The following SLC9D1 variants were observed in gnomAD, a reference collection of about 807,000 sequenced individuals.
SLC9D1 encodes the protein solute carrier family 9 member D1, also known as putative LAG1-interacting protein.
the SLC9D1 span, among the ~76,000 whole-genome samples, chr13:113,538,114 T>C: frequency 6.8e-6 from 1 of 147,428 alleles, no homozygotes. Context: ...CATGTATGTG[T>C]TTGTGCATGC....
chr13:113,547,362 T>C, the SLC9D1 span: 11 of 1,613,672 alleles, frequency 6.8e-6, no homozygotes, highest in African/African-American at 1.3e-4. Flanking sequence ...CCTCACCTTG[T>C]CAGTGGTGGT....
the SLC9D1 span, chr13:113,520,607 C>G: frequency 6.2e-7 from 1 of 1,602,194 alleles, no homozygotes; most frequent in Non-Finnish European, 8.5e-7. Flanking sequence ...AATGCCTTTC[C>G]CCCCACAGGC....
the SLC9D1 span, among the ~76,000 whole-genome samples, chr13:113,507,079 G>A: frequency 6.6e-6 from 1 of 152,090 alleles, no homozygotes; most frequent in Non-Finnish European, 1.5e-5. Flanking sequence ...ACATCTGATT[G>A]AGTGGGGCTG....
chr13:113,497,533 C>T, the SLC9D1 span, among the ~76,000 whole-genome samples: 1 of 147,498 alleles, frequency 6.8e-6, no homozygotes. Flanking sequence ...GTGTGTGAGA[C>T]CTGCAGCTGT....
chr13:113,547,214 C>A, the SLC9D1 span: 1 of 997,884 alleles, frequency 1.0e-6, no homozygotes, highest in Non-Finnish European at 1.6e-6. Flanking sequence ...TGTATTGAAG[C>A]AAGTGACACA....
chr13:113,495,546 C>T, the SLC9D1 span: 11 of 1,455,124 alleles, frequency 7.6e-6, no homozygotes, highest in African/African-American at 8.5e-5. Flanking sequence ...GGCAGAGACC[C>T]GTGGATTGCT....
At chr13:113,501,875 A>G in the SLC9D1 span, 4 of 1,608,298 alleles carry the variant, frequency 2.5e-6, no homozygotes, top group East Asian at 4.5e-5. Context: ...ACTAAATAGT[A>G]TTAAGGTAAG....
At chr13:113,518,054 A>G in the SLC9D1 span, among the ~76,000 whole-genome samples, 2 of 152,254 alleles carry the variant, frequency 1.3e-5, no homozygotes, top group Non-Finnish European at 2.9e-5. Context: ...GTTTAATAAA[A>G]GGAATGGAAA....
chr13:113,547,921 C>G, the SLC9D1 span, among the ~76,000 whole-genome samples: 4 of 112,194 alleles, frequency 3.6e-5, no homozygotes, highest in African/African-American at 1.8e-4. Context: ...AAAGACACAC[C>G]ACCAGCTCTT....
At chr13:113,548,102 T>A in the SLC9D1 span, among the ~76,000 whole-genome samples, 2 of 152,178 alleles carry the variant, frequency 1.3e-5, no homozygotes, top group East Asian at 3.8e-4. Context: ...TGCCTTATTG[T>A]TCAGTGTGGA....
At chr13:113,501,656 T>C in the SLC9D1 span, 14 of 925,468 alleles carry the variant, frequency 1.5e-5, no homozygotes, top group Admixed American at 2.4e-5. Flanking sequence ...TCAGGTGAAA[T>C]CGGGGAACTA....
the SLC9D1 span, among the ~76,000 whole-genome samples, chr13:113,536,014 G>C: frequency 6.6e-6 from 1 of 152,212 alleles, no homozygotes; most frequent in South Asian, 2.1e-4. Context: ...TTACCATTGG[G>C]GAAACTAAAG....
the SLC9D1 span, among the ~76,000 whole-genome samples, chr13:113,537,189 A>G: frequency 1.3e-5 from 2 of 152,186 alleles, no homozygotes; most frequent in East Asian, 3.9e-4. Context: ...CCTTCTTAAA[A>G]ATTTATTTAC....
chr13:113,499,995 A>G, the SLC9D1 span: 1 of 1,563,202 alleles, frequency 6.4e-7, no homozygotes, highest in Non-Finnish European at 8.7e-7. Flanking sequence ...CTGAGGGTGG[A>G]GGAAGAAGAG....
chr13:113,529,209 G>A, the SLC9D1 span: 1 of 152,134 alleles, frequency 6.6e-6, no homozygotes, highest in Non-Finnish European at 1.5e-5. Context: ...CACCGAAATT[G>A]TTCTAATTCA....
At chr13:113,539,473 C>T in the SLC9D1 span, 43 of 1,613,232 alleles carry the variant, frequency 2.7e-5, no homozygotes, top group South Asian at 4.4e-5. The surrounding 1 kb of genome is among the most constrained non-coding windows in gnomAD (Gnocchi z 4.8). Flanking sequence ...AACCCATCCG[C>T]GACTTCCTGG....
the SLC9D1 span, chr13:113,498,675 T>G: frequency 1.7e-6 from 1 of 594,798 alleles, no homozygotes; most frequent in Admixed American, 4.1e-5. Flanking sequence ...TAATTTGGTC[T>G]TGTAGAAGTA....
the SLC9D1 span, among the ~76,000 whole-genome samples, chr13:113,524,703 TA>T: frequency 1.9e-3 from 295 of 152,058 alleles, no homozygotes; most frequent in Non-Finnish European, 3.0e-3. Context: ...AAAATAATAT[TA>T]TTTTTTTTTT....
At chr13:113,547,361 G>A in the SLC9D1 span, 1 of 1,613,960 alleles carries the variant, frequency 6.2e-7, no homozygotes, top group Non-Finnish European at 8.5e-7. Context: ...TCCTCACCTT[G>A]TCAGTGGTGG....
Sources: gnomAD v4.1 joint callset for allele counts (sites outside exome capture counted in the v4.1 genomes callset) on GRCh38, gnomAD v4.1.1 for gene constraint, Gnocchi (gnomAD v3.1) non-coding constraint, MANE v1.5 for transcripts, NCBI Gene and HGNC (gene_info 2026-07-23, HGNC 2026-07-21) for gene names.